ATRNL1: variants seen among roughly 807,000 people sequenced by gnomAD.
ATRNL1 encodes attractin-like protein 1.
Under a neutral mutation model 182.7 loss-of-function variants are expected in ATRNL1, and 95 were observed. The observed-to-expected ratio is 0.52, with a 90% CI of 0.44 to 0.62. The LOEUF is 0.62. Ranked by LOEUF, ATRNL1 falls within the 20% of genes least tolerant of loss-of-function variation. ATRNL1 has a pLI of 0.00. For synonymous variants in ATRNL1, 576 were observed against 568.3 expected (o/e 1.01, Z -0.19); for missense variants, 1,471 against 1,679.5 (o/e 0.88, Z 2.17).
intron 19 of ATRNL1, among the ~76,000 whole-genome samples, chr10:115,346,434 C>A (rs1855977453): frequency 6.6e-6 from 1 of 152,154 alleles, no homozygotes; most frequent in African/African-American, 2.4e-5. Context: ...TAGCATGTAT[C>A]AGACTGTCTT....
At chr10:115,899,878 C>T (rs1209278767) in intron 28 of ATRNL1, among the ~76,000 whole-genome samples, 2 of 152,034 alleles carry the variant, frequency 1.3e-5, no homozygotes, top group African/African-American at 4.8e-5. Flanking sequence ...AATGATTCCA[C>T]CAGAATAATT....
chr10:115,750,235 T>G (rs907564682), intron 27 of ATRNL1, among the ~76,000 whole-genome samples: 1 of 151,946 alleles, frequency 6.6e-6, no homozygotes, highest in Non-Finnish European at 1.5e-5. Flanking sequence ...ATAGAATGTT[T>G]GCCAACTTTA....
intron 15 of ATRNL1, among the ~76,000 whole-genome samples, chr10:115,287,924 G>GTTTTTTTTTTTTTTTT (rs11298663): frequency 1.1e-5 from 1 of 91,022 alleles, no homozygotes; most frequent in Non-Finnish European, 2.2e-5. Flanking sequence ...AAGATCAACT[G>GTTTTTTTTTTTTTTTT]TTTTTTTTTT....
intron 19 of ATRNL1, among the ~76,000 whole-genome samples, chr10:115,391,256 C>T (rs531565040): frequency 6.6e-6 from 1 of 152,220 alleles, no homozygotes; most frequent in South Asian, 2.1e-4. Context: ...TAGAAAAAAG[C>T]TAAACTTTTT....
At chr10:115,908,564 T>A (rs186640392) in intron 28 of ATRNL1, among the ~76,000 whole-genome samples, 5 of 152,272 alleles carry the variant, frequency 3.3e-5, no homozygotes, top group Admixed American at 3.3e-4. Flanking sequence ...CATCTGAAGG[T>A]CCTTCGTTTA....
At chr10:115,302,070 C>T (rs1554924772) in intron 17 of ATRNL1, 27 bp downstream of exon 17, 1 of 1,541,422 alleles carries the variant, frequency 6.5e-7, no homozygotes, top group East Asian at 2.3e-5. Flanking sequence ...AGTGACTTTT[C>T]ACTTGACAGC....
At chr10:115,156,589 T>C (rs1357713546) in intron 5 of ATRNL1, among the ~76,000 whole-genome samples, 2 of 152,156 alleles carry the variant, frequency 1.3e-5, no homozygotes, top group Non-Finnish European at 2.9e-5. Context: ...CCGACACTAA[T>C]GCTTAAAGTT....
intron 19 of ATRNL1, among the ~76,000 whole-genome samples, chr10:115,359,622 G>A (rs1468383642): frequency 6.6e-6 from 1 of 151,132 alleles, no homozygotes; most frequent in African/African-American, 2.4e-5. Context: ...AACTCTTATT[G>A]AGCAATAATG....
intron 26 of ATRNL1, among the ~76,000 whole-genome samples, chr10:115,662,141 G>C (rs1029677185): frequency 4.6e-5 from 7 of 151,764 alleles, no homozygotes; most frequent in Non-Finnish European, 8.8e-5. Context: ...GTATTCCATG[G>C]TGTATATGTG....
intron 7 of ATRNL1, among the ~76,000 whole-genome samples, chr10:115,169,414 G>A (rs536619693): frequency 3.9e-5 from 6 of 151,958 alleles, no homozygotes; most frequent in African/African-American, 1.4e-4. Flanking sequence ...TCACCATGTT[G>A]GCCAGGCTGG....
intron 27 of ATRNL1, among the ~76,000 whole-genome samples, chr10:115,786,930 T>G (rs1319786405): frequency 6.6e-6 from 1 of 152,188 alleles, no homozygotes; most frequent in South Asian, 2.1e-4. Context: ...CAAGATGAGG[T>G]CAGAAACAGT....
At chr10:115,195,539 T>C (rs1848327866) in intron 8 of ATRNL1, among the ~76,000 whole-genome samples, 1 of 152,152 alleles carries the variant, frequency 6.6e-6, no homozygotes, top group Admixed American at 6.6e-5. Flanking sequence ...CTGTTCCTTA[T>C]CCTTGACCTT....
intron 28 of ATRNL1, among the ~76,000 whole-genome samples, chr10:115,882,127 A>G (rs1555108707): frequency 6.6e-6 from 1 of 152,208 alleles, no homozygotes; most frequent in African/African-American, 2.4e-5. Flanking sequence ...CCTGGGGATA[A>G]ATGGTAAAGG....
At chr10:115,937,678 T>C (rs2134611489) in intron 28 of ATRNL1, among the ~76,000 whole-genome samples, 1 of 152,332 alleles carries the variant, frequency 6.6e-6, no homozygotes, top group South Asian at 2.1e-4. Context: ...AGCCAAGACT[T>C]TGATCAGTAG....
intron 28 of ATRNL1, among the ~76,000 whole-genome samples, chr10:115,850,816 T>C (rs190952888): frequency 1.4e-3 from 219 of 152,236 alleles, no homozygotes; most frequent in Middle Eastern, 6.8e-3. Context: ...CTAGAAGCCC[T>C]CTATGTTCTC....
intron 26 of ATRNL1, among the ~76,000 whole-genome samples, chr10:115,604,191 G>T (rs936627885): frequency 1.3e-5 from 2 of 152,014 alleles, no homozygotes; most frequent in African/African-American, 2.4e-5. Context: ...ACATTACTGA[G>T]GATATGAATT....
chr10:115,496,462 T>C (rs1170728825), intron 24 of ATRNL1, among the ~76,000 whole-genome samples: 5 of 152,178 alleles, frequency 3.3e-5, no homozygotes, highest in Admixed American at 3.3e-4. Context: ...TTGGTTTAAT[T>C]GAAAGCTTTT....
At chr10:115,604,879 T>G (rs1381204836) in intron 26 of ATRNL1, among the ~76,000 whole-genome samples, 1 of 152,140 alleles carries the variant, frequency 6.6e-6, no homozygotes, top group African/African-American at 2.4e-5. Flanking sequence ...GAGATCTTAT[T>G]TTGCTTGATT....
At chr10:115,762,336 C>G (rs1329858491) in intron 27 of ATRNL1, among the ~76,000 whole-genome samples, 3 of 152,060 alleles carry the variant, frequency 2.0e-5, no homozygotes, top group Non-Finnish European at 4.4e-5. Context: ...GGCAGATTTG[C>G]TAGGATTTGG....
Sources: allele counts gnomAD v4.1 joint callset (sites outside exome capture counted in the v4.1 genomes callset), GRCh38; gene constraint gnomAD v4.1.1; transcripts MANE v1.5; gene names NCBI Gene and HGNC (gene_info 2026-07-23, HGNC 2026-07-21).